ENOX1: variants seen among roughly 807,000 people sequenced by gnomAD.
ENOX1 encodes the protein candidate growth-related and time keeping constitutive hydroquinone (NADH) oxidase.
A neutral mutation model predicts 82.5 loss-of-function variants in ENOX1; 42 were observed. The observed-to-expected ratio is 0.51, with a 90% CI of 0.40 to 0.66. The LOEUF (loss-of-function observed/expected upper bound fraction) is 0.66. Among genes scored for constraint, ENOX1 ranks in the 30% least tolerant of loss-of-function variants. The pLI, the probability that ENOX1 is intolerant of heterozygous loss-of-function variation, is 0.00. For synonymous variants in ENOX1, 271 were observed against 282.2 expected, an observed-to-expected ratio of 0.96 and a Z score of 0.40; for missense variants, 608 against 811.6, an observed-to-expected ratio of 0.75 and a Z score of 3.05.
chr13:43,322,041 C>T (rs1161782078), intron 11 of ENOX1, among the ~76,000 whole-genome samples: 1 of 152,196 alleles, frequency 6.6e-6, no homozygotes, highest in Non-Finnish European at 1.5e-5. Flanking sequence ...AAACAATTCC[C>T]ATGTAAGAAG....
chr13:43,385,981 C>T (rs1035674076), intron 5 of ENOX1, among the ~76,000 whole-genome samples: 4 of 152,146 alleles, frequency 2.6e-5, no homozygotes, highest in African/African-American at 9.7e-5. Flanking sequence ...GCCTGGCCAA[C>T]ATGGTGAAAC....
At chr13:43,459,811 G>T (rs2057385365) in intron 3 of ENOX1, among the ~76,000 whole-genome samples, 1 of 152,108 alleles carries the variant, frequency 6.6e-6, no homozygotes, top group African/African-American at 2.4e-5. Context: ...GACCAACATC[G>T]TGAAACCCCA....
intron 12 of ENOX1, among the ~76,000 whole-genome samples, chr13:43,291,872 T>C (rs1381445680): frequency 6.6e-6 from 1 of 152,242 alleles, no homozygotes; most frequent in Non-Finnish European, 1.5e-5. Context: ...TGACAGGTTC[T>C]GGCATTCAAG....
chr13:43,483,275 A>G (rs2153657034), intron 3 of ENOX1, among the ~76,000 whole-genome samples: 1 of 152,304 alleles, frequency 6.6e-6, no homozygotes, highest in Admixed American at 6.5e-5. Context: ...TGAAAGATGC[A>G]TGGACTGAAT....
chr13:43,399,375 G>T (rs1460770842), intron 5 of ENOX1, among the ~76,000 whole-genome samples: 2 of 152,132 alleles, frequency 1.3e-5, no homozygotes, highest in African/African-American at 4.8e-5. Context: ...GTACATGTGG[G>T]TGCTTCCACG....
chr13:43,412,954 G>A lies in ENOX1; in HGVS notation c.-40C>T, dbSNP rs756802587. On this transcript the variant is annotated 5_prime_UTR_variant, in exon 4 of 17. Coordinates refer to ENST00000690772, the MANE Select transcript of ENOX1 (RefSeq NM_001347969.2). Reference sequence around the variant, plus strand: ...CCAGAGGGGCAGGAACACTTTGATGGCTGAGTGCAGGGTCCCCTCGGAGGT... The same window carrying A: ...CCAGAGGGGCAGGAACACTTTGATGACTGAGTGCAGGGTCCCCTCGGAGGT... The A allele has an allele frequency of 1.2e-6, 2 of 1,612,446 alleles. No individual in the cohort carries two copies. The highest frequency in any genetic ancestry group is 1.7e-6 in the Non-Finnish European group (2 of 1,179,568).
chr13:43,497,542 A>G (rs1026592305), intron 2 of ENOX1, among the ~76,000 whole-genome samples: 6 of 152,280 alleles, frequency 3.9e-5, no homozygotes, highest in African/African-American at 1.4e-4. Context: ...TTTGAATATT[A>G]AAGAATGCAT....
intron 5 of ENOX1, among the ~76,000 whole-genome samples, chr13:43,369,302 C>A (rs1202060897): frequency 6.6e-6 from 1 of 152,178 alleles, no homozygotes; most frequent in Non-Finnish European, 1.5e-5. Context: ...TTCTAAAAAC[C>A]CACCTTTTCT....
chr13:43,704,123 G>A (rs1324921011), intron 1 of ENOX1, among the ~76,000 whole-genome samples: 1 of 151,996 alleles, frequency 6.6e-6, no homozygotes, highest in East Asian at 1.9e-4. Flanking sequence ...ATCACATAAT[G>A]TTGAACTAGT....
At chr13:43,565,459 C>CA (rs2079876415) in intron 2 of ENOX1, among the ~76,000 whole-genome samples, 1 of 152,060 alleles carries the variant, frequency 6.6e-6, no homozygotes, top group South Asian at 2.1e-4. Flanking sequence ...TCAGAAGCTC[C>CA]AGTGGCCTGG....
chr13:43,785,772 G>A (rs892247383), intron 1 of ENOX1, among the ~76,000 whole-genome samples: 2 of 152,162 alleles, frequency 1.3e-5, no homozygotes, highest in African/African-American at 4.8e-5. Context: ...CCTTCCGAAA[G>A]AGGGCGGGGT....
chr13:43,523,808 A>T (rs1341846395), intron 2 of ENOX1, among the ~76,000 whole-genome samples: 2 of 152,106 alleles, frequency 1.3e-5, no homozygotes, highest in Non-Finnish European at 2.9e-5. Context: ...CCATTAACTA[A>T]TGCTATGTAT....
chr13:43,533,752 G>A (rs2153689895), intron 2 of ENOX1, among the ~76,000 whole-genome samples: 1 of 152,232 alleles, frequency 6.6e-6, no homozygotes, highest in Non-Finnish European at 1.5e-5. Context: ...TATATACAGA[G>A]TTAGCCTCAT....
chr13:43,535,096 G>T (rs1037832670), intron 2 of ENOX1, among the ~76,000 whole-genome samples: 2 of 152,016 alleles, frequency 1.3e-5, no homozygotes, highest in Admixed American at 6.6e-5. Flanking sequence ...CTATGAATAG[G>T]GAAAATAACT....
Position 43,783,473 on chromosome 13 carries a change from G to T in ENOX1, c.-285+3179C>A, listed in dbSNP as rs189944536. 2.1e-3 allele frequency among the ~76,000 whole-genome samples: 327 copies of T among 152,260 alleles called. 2 individuals are homozygous for T. Among genetic ancestry groups the T allele is most frequent in the African/African-American group, 7.2e-3 (301 of 41,548 alleles). On this transcript the variant is annotated intron_variant, in intron 1 of 16. Coordinates refer to ENST00000690772, the MANE Select transcript of ENOX1 (RefSeq NM_001347969.2). ...GGAAATGGTCAAGTGTGACCCAGGG[G>T]AAGACATCCTGAGACTGGGTCTGTC...
chr13:43,234,249 T>G (rs926370158), intron 15 of ENOX1, among the ~76,000 whole-genome samples: 13 of 152,144 alleles, frequency 8.5e-5, no homozygotes, highest in African/African-American at 2.9e-4. Flanking sequence ...GGCATTCTTT[T>G]GGAGGATTAT....
In ENOX1 at chr13:43,243,892, C is replaced by T. The variant is rs147790408; in HGVS notation, c.1612-7154G>A. On this transcript the variant is annotated intron_variant, in intron 14 of 16. Coordinates refer to ENST00000690772, the MANE Select transcript of ENOX1 (RefSeq NM_001347969.2). ...TCCTTGCCTTGCCACTTCCTACTTA[C>T]ATTTTACACACAGCACAAGTCCTGT... 8.5e-3 allele frequency among the ~76,000 whole-genome samples: 1,293 copies of T among 152,170 alleles called. 15 individuals are homozygous for T. The highest frequency in any genetic ancestry group is 0.013 in the Non-Finnish European group (896 of 68,012).
At chr13:43,593,817 A>G (rs2153726959) in intron 2 of ENOX1, among the ~76,000 whole-genome samples, 1 of 152,246 alleles carries the variant, frequency 6.6e-6, no homozygotes, top group East Asian at 1.9e-4. Flanking sequence ...TTCTATTGAC[A>G]ATGACCTGTT....
intron 5 of ENOX1, among the ~76,000 whole-genome samples, chr13:43,398,407 G>A (rs75675957): frequency 0.049 from 7,434 of 152,102 alleles, 524 homozygotes; most frequent in African/African-American, 0.15. Context: ...GGGTGCTTCA[G>A]GGACTCAAAC....
Sources: gnomAD v4.1 joint callset for allele counts (sites outside exome capture counted in the v4.1 genomes callset) on GRCh38, gnomAD v4.1.1 for gene constraint, MANE v1.5 for transcripts, NCBI Gene and HGNC (gene_info 2026-07-23, HGNC 2026-07-21) for gene names.